SPMIP4: variants seen among roughly 807,000 people sequenced by gnomAD.
SPMIP4 encodes sperm-associated microtubule inner protein 4.
At chr7:25,167,236 C>T in the SPMIP4 span, among the ~76,000 whole-genome samples, 2 of 152,158 alleles carry the variant, frequency 1.3e-5, no homozygotes, top group African/African-American at 4.8e-5. Flanking sequence ...ATAAAATGAA[C>T]AGATGAAAAG....
chr7:25,178,758 G>C, the SPMIP4 span, among the ~76,000 whole-genome samples: 1 of 151,908 alleles, frequency 6.6e-6, no homozygotes, highest in Non-Finnish European at 1.5e-5. Flanking sequence ...GAAGAGCCCC[G>C]GCCCGGCGCA....
At chr7:25,145,423 G>A in the SPMIP4 span, among the ~76,000 whole-genome samples, 6 of 152,198 alleles carry the variant, frequency 3.9e-5, no homozygotes, top group Non-Finnish European at 7.3e-5. Flanking sequence ...GTCTTGAGAA[G>A]GGGCTAAAGA....
chr7:25,162,151 A>T, the SPMIP4 span, among the ~76,000 whole-genome samples: 1 of 151,654 alleles, frequency 6.6e-6, no homozygotes, highest in Non-Finnish European at 1.5e-5. Flanking sequence ...CACACCTGTA[A>T]TCCCAGCTAC....
the SPMIP4 span, among the ~76,000 whole-genome samples, chr7:25,153,859 G>A: frequency 6.6e-6 from 1 of 152,166 alleles, no homozygotes; most frequent in Non-Finnish European, 1.5e-5. Flanking sequence ...AGCTTTCACT[G>A]CCTTTTTCCA....
chr7:25,165,254 T>G, the SPMIP4 span, among the ~76,000 whole-genome samples: 97 of 152,250 alleles, frequency 6.4e-4, no homozygotes, highest in African/African-American at 2.3e-3. Flanking sequence ...TTCCTCTTCA[T>G]TTTCCTTATT....
At chr7:25,136,397 T>TTTTTAGTGACTGCTGTC in the SPMIP4 span, 25 of 1,613,976 alleles carry the variant, frequency 1.5e-5, no homozygotes, top group Non-Finnish European at 1.8e-5. This position sits in a 1 kb window ranked among gnomAD's most constrained non-coding sequence, Gnocchi z 5.7. Flanking sequence ...GTGGGTTGGG[T>TTTTTAGTGACTGCTGTC]TTTTAGTGAC....
the SPMIP4 span, chr7:25,142,442 A>G: frequency 1.1e-6 from 1 of 941,132 alleles, no homozygotes; most frequent in South Asian, 1.8e-5. Context: ...ATTAGAACCA[A>G]TAAAATGAAA....
chr7:25,168,392 T>C, the SPMIP4 span: 3 of 1,613,250 alleles, frequency 1.9e-6, no homozygotes, highest in South Asian at 3.3e-5. Context: ...GAAATCGGTA[T>C]TATCCCACCA....
At chr7:25,163,788 A>G in the SPMIP4 span, among the ~76,000 whole-genome samples, 387 of 152,338 alleles carry the variant, frequency 2.5e-3, 2 homozygotes, top group African/African-American at 8.8e-3. This position sits in a 1 kb window ranked among gnomAD's most constrained non-coding sequence, Gnocchi z 4.4. Flanking sequence ...ACTTATCCTC[A>G]TAAGATTAGA....
the SPMIP4 span, among the ~76,000 whole-genome samples, chr7:25,130,546 T>G: frequency 2.0e-5 from 3 of 152,076 alleles, no homozygotes. Flanking sequence ...ACTCCTGACC[T>G]CAGATGTTCC....
the SPMIP4 span, among the ~76,000 whole-genome samples, chr7:25,148,404 C>T: frequency 1.3e-5 from 2 of 151,850 alleles, no homozygotes. Context: ...CACCTGTGAA[C>T]AGCCACTGCA....
the SPMIP4 span, among the ~76,000 whole-genome samples, chr7:25,155,466 G>C: frequency 6.6e-6 from 1 of 152,158 alleles, no homozygotes; most frequent in Non-Finnish European, 1.5e-5. Context: ...CAGTGAGTAA[G>C]TTTCATAACT....
the SPMIP4 span, among the ~76,000 whole-genome samples, chr7:25,154,395 A>G: frequency 6.7e-6 from 1 of 148,580 alleles, no homozygotes; most frequent in Non-Finnish European, 1.5e-5. Context: ...GTTTACGCAC[A>G]TGTGTAGGAC....
chr7:25,134,693 T>C, the SPMIP4 span: 1 of 985,722 alleles, frequency 1.0e-6, no homozygotes, highest in Non-Finnish European at 1.2e-6. Flanking sequence ...AACCTCAAAT[T>C]TTTATACTGG....
At chr7:25,155,203 T>A in the SPMIP4 span, 8 of 1,496,640 alleles carry the variant, frequency 5.3e-6, no homozygotes, top group East Asian at 1.9e-4. Context: ...CTAAGATTTA[T>A]TGAGGAAACA....
chr7:25,136,251 A>G, the SPMIP4 span: 43 of 1,614,136 alleles, frequency 2.7e-5, no homozygotes, highest in African/African-American at 5.6e-4. This position sits in a 1 kb window ranked among gnomAD's most constrained non-coding sequence, Gnocchi z 5.7. Context: ...CTAAAGTGAA[A>G]GCTTCCGTGT....
the SPMIP4 span, among the ~76,000 whole-genome samples, chr7:25,161,457 G>C: frequency 6.6e-6 from 1 of 151,742 alleles, no homozygotes; most frequent in South Asian, 2.1e-4. Context: ...GACTTATCTT[G>C]AACTCCTGGG....
At chr7:25,144,635 G>A in the SPMIP4 span, among the ~76,000 whole-genome samples, 1 of 152,318 alleles carries the variant, frequency 6.6e-6, no homozygotes, top group Admixed American at 6.5e-5. Flanking sequence ...GTCAGGGGAG[G>A]GAGACAGAGG....
chr7:25,139,499 A>G, the SPMIP4 span, among the ~76,000 whole-genome samples: 3 of 152,292 alleles, frequency 2.0e-5, no homozygotes, highest in East Asian at 5.8e-4. Flanking sequence ...TGATGATGGA[A>G]TTGACAGCAG....
Sources: gnomAD v4.1 joint callset for allele counts (sites outside exome capture counted in the v4.1 genomes callset) on GRCh38, gnomAD v4.1.1 for gene constraint, Gnocchi (gnomAD v3.1) non-coding constraint, MANE v1.5 for transcripts, NCBI Gene and HGNC (gene_info 2026-07-23, HGNC 2026-07-21) for gene names.